The following XRN1 variants were observed in gnomAD, a reference collection of about 807,000 sequenced individuals.
XRN1 encodes the protein strand-exchange protein 1 homolog.
In XRN1, 67 loss-of-function variants were observed where a neutral mutation model predicts 222.3. That is an observed-to-expected ratio of 0.30 (90% confidence interval 0.25 to 0.37). The LOEUF is 0.37. Ranked by LOEUF, XRN1 falls within the 10% of genes least tolerant of loss-of-function variation. The pLI is 1.00. For missense variants in XRN1, 1,707 were observed against 2,000.2 expected (o/e 0.85, Z 2.80); for synonymous variants, 643 against 652.4 (o/e 0.99, Z 0.22).
At chr3:142,357,683 C>A (rs2066498886) in intron 30 of XRN1, among the ~76,000 whole-genome samples, 1 of 152,104 alleles carries the variant, frequency 6.6e-6, no homozygotes, top group South Asian at 2.1e-4. Flanking sequence ...CATCCTTAGC[C>A]TCCCAAAGTG....
chr3:142,400,326 G>A (rs1322539365), intron 19 of XRN1, 118 bp downstream of exon 19: 1 of 738,098 alleles, frequency 1.4e-6, no homozygotes, highest in Non-Finnish European at 2.1e-6. Flanking sequence ...TTCATTTTTG[G>A]TACAGAGTGT....
intron 20 of XRN1, among the ~76,000 whole-genome samples, chr3:142,395,165 G>C (rs574331213): frequency 1.3e-5 from 2 of 152,074 alleles, no homozygotes; most frequent in Non-Finnish European, 2.9e-5. Flanking sequence ...AACCCTCAGG[G>C]GCAGAGCAAC....
intron 13 of XRN1, among the ~76,000 whole-genome samples, chr3:142,416,226 G>C (rs1184224270): frequency 3.9e-5 from 6 of 151,992 alleles, no homozygotes; most frequent in African/African-American, 9.7e-5. Context: ...GCCCAAGCTG[G>C]AGTGCAGTGG....
intron 33 of XRN1, among the ~76,000 whole-genome samples, chr3:142,345,010 A>G (rs903711808): frequency 1.3e-5 from 2 of 152,248 alleles, no homozygotes; most frequent in African/African-American, 2.4e-5. Context: ...ACAAAGCTAC[A>G]GTAATCAAGA....
Position 142,414,263 on chromosome 3 carries a change from G to C in XRN1, c.1465C>G (p.Leu489Val). The C allele has an allele frequency of 6.2e-7, 1 of 1,611,376 alleles. No homozygotes were observed. Among genetic ancestry groups the C allele is most frequent in the South Asian group, 1.1e-5 (1 of 90,508 alleles). ...GTACTGATGTTGTGTATATCAGACA[G>C]GAAAGGTGCATAATGATAAGGATAA... is the stretch of plus-strand genomic sequence containing the variant. ...WYYPYHYAPF[L>V]SDIHNISTLK... The change falls in exon 14 of 41, where the codon CTG (leucine) becomes GTG (valine). Residue 489 changes from leucine to valine, a missense_variant. Physicochemically the swap from Leu to Val is conservative, Grantham distance 32. Coordinates refer to ENST00000392981, the MANE Select transcript of XRN1 (RefSeq NM_001282857.2).
chr3:142,381,407 A>C (rs914569409), intron 22 of XRN1, among the ~76,000 whole-genome samples: 5 of 152,184 alleles, frequency 3.3e-5, no homozygotes, highest in African/African-American at 9.7e-5. Context: ...AGTTGACCAA[A>C]TAATGTCCTT....
rs185652630 is a variant in XRN1, at chr3:142,427,706, T to C, written c.309-865A>G. 3.0e-4 allele frequency among the ~76,000 whole-genome samples: 45 copies of C among 152,348 alleles called. 1 individual carries two copies. Among genetic ancestry groups the C allele is most frequent in the South Asian group, 2.9e-3 (14 of 4,830 alleles). Reference sequence around the variant, plus strand: ...ACATTTTTGAGGCAACAGAATTTACTAGAAAGAACCTGAGTTTTACAGTCA... The same window carrying C: ...ACATTTTTGAGGCAACAGAATTTACCAGAAAGAACCTGAGTTTTACAGTCA... On this transcript the variant is annotated intron_variant, in intron 2 of 40. Coordinates refer to ENST00000392981, the MANE Select transcript of XRN1 (RefSeq NM_001282857.2).
chr3:142,341,316 A>AAATT (rs2065987590), intron 33 of XRN1, among the ~76,000 whole-genome samples: 1 of 152,168 alleles, frequency 6.6e-6, no homozygotes, highest in African/African-American at 2.4e-5. Context: ...AAAAAGCAAG[A>AAATT]AATTATGTCA....
At chr3:142,328,669 A>C (rs2065589952) in intron 37 of XRN1, among the ~76,000 whole-genome samples, 1 of 128,196 alleles carries the variant, frequency 7.8e-6, no homozygotes, top group African/African-American at 2.9e-5. Context: ...TTAATAAACA[A>C]TGGATTAATA....
At chr3:142,411,717 A>G (rs1162749686) in intron 15 of XRN1, among the ~76,000 whole-genome samples, 1 of 151,966 alleles carries the variant, frequency 6.6e-6, no homozygotes, top group East Asian at 1.9e-4. Flanking sequence ...TGTGCTATTT[A>G]GTTTCAAAAT....
chr3:142,377,064 A>G (rs1052577668), intron 23 of XRN1, among the ~76,000 whole-genome samples: 2 of 152,120 alleles, frequency 1.3e-5, no homozygotes, highest in African/African-American at 2.4e-5. Context: ...AGAAAAACTA[A>G]AAGTGTCCTT....
At chr3:142,350,204 T>C (rs1235964171) in intron 32 of XRN1, among the ~76,000 whole-genome samples, 3 of 152,090 alleles carry the variant, frequency 2.0e-5, no homozygotes, top group Non-Finnish European at 4.4e-5. Flanking sequence ...ACTACAGCAA[T>C]ACTATTTTGT....
intron 32 of XRN1, among the ~76,000 whole-genome samples, chr3:142,349,509 A>G (rs928583723): frequency 6.6e-6 from 1 of 151,854 alleles, no homozygotes; most frequent in Non-Finnish European, 1.5e-5. Context: ...AGTAAATAAT[A>G]TAATATTATT....
intron 2 of XRN1, among the ~76,000 whole-genome samples, chr3:142,431,686 G>T (rs544495453): frequency 1.3e-5 from 2 of 148,524 alleles, no homozygotes; most frequent in African/African-American, 5.0e-5. Context: ...GTGTGGTGGC[G>T]GGCACCTGTA....
rs1577410967 is a variant in XRN1, at chr3:142,422,535, T to G, written c.967+47A>C. ...ACTAAGTCACATTTTTAGGGTAAGG[T>G]GGCACTAAATTAAAGTATCCTCGAG... On this transcript the variant is annotated intron_variant, in intron 8 of 40. Coordinates refer to ENST00000392981, the MANE Select transcript of XRN1 (RefSeq NM_001282857.2). The G allele has an allele frequency of 3.2e-6, 5 of 1,554,374 alleles. No homozygotes were observed. The African/African-American group carries it at 6.9e-5, about 21-fold the overall frequency.
intron 40 of XRN1, 27 bp downstream of exon 40, chr3:142,312,571 T>C (rs775351977): frequency 6.6e-7 from 1 of 1,506,868 alleles, no homozygotes; most frequent in Non-Finnish European, 8.9e-7. Context: ...AAACAAATAA[T>C]TATCTTAAAA....
chr3:142,332,259 TA>T, intron 36 of XRN1, 115 bp downstream of exon 36: 2 of 885,318 alleles, frequency 2.3e-6, no homozygotes, highest in Non-Finnish European at 3.3e-6. Context: ...ATCTCTAAAA[TA>T]AATAAATACA....
In XRN1 at chr3:142,445,222, T is replaced by G. The variant is rs74773739; in HGVS notation, c.75+2648A>C. 4.6e-3 allele frequency among the ~76,000 whole-genome samples: 695 copies of G among 152,292 alleles called. 8 individuals carry two copies. The highest frequency in any genetic ancestry group is 0.016 in the African/African-American group (676 of 41,570). Reference sequence around the variant, plus strand: ...ATTTTTTTTTCATTTACTTCTAACTTTCTCTGTCATCTCATTCTCACATTT... The same window carrying G: ...ATTTTTTTTTCATTTACTTCTAACTGTCTCTGTCATCTCATTCTCACATTT... On this transcript the variant is annotated intron_variant, in intron 1 of 40. Coordinates refer to ENST00000392981, the MANE Select transcript of XRN1 (RefSeq NM_001282857.2).
intron 13 of XRN1, 40 bp downstream of exon 13, chr3:142,417,100 A>G: frequency 6.7e-7 from 1 of 1,491,874 alleles, no homozygotes; most frequent in Non-Finnish European, 9.3e-7. Flanking sequence ...ATGAATCATT[A>G]TAAAAAGACA....
Sources: allele counts gnomAD v4.1 joint callset (sites outside exome capture counted in the v4.1 genomes callset), GRCh38; gene constraint gnomAD v4.1.1; transcripts MANE v1.5; gene names NCBI Gene and HGNC (gene_info 2026-07-23, HGNC 2026-07-21).